TM9SF3: variants seen among roughly 807,000 people sequenced by gnomAD.
The protein encoded by TM9SF3 is transmembrane 9 superfamily member 3.
A neutral mutation model predicts 78.6 loss-of-function variants in TM9SF3; 14 were observed. The observed-to-expected ratio is 0.18, with a 90% CI of 0.12 to 0.28. TM9SF3 has a LOEUF of 0.28. TM9SF3 is among the 10% of genes least tolerant of loss of function. The probability of loss-of-function intolerance (pLI) is 1.00; values close to 1 mark genes in which losing one functional copy is unlikely to be tolerated. For missense variants in TM9SF3, 496 were observed against 721.9 expected (o/e 0.69, Z 3.59); for synonymous variants, 231 against 241.7 (o/e 0.96, Z 0.41).
At chr10:96,560,527 A>G (rs1317862415) in intron 4 of TM9SF3, 1 of 715,292 alleles carries the variant, frequency 1.4e-6, no homozygotes, top group Non-Finnish European at 2.6e-6. Flanking sequence ...AGTGGACAGC[A>G]TTTAGTAGCT....
chr10:96,560,666 A>AGAT lies in TM9SF3; in HGVS notation c.583-933_583-931dup, dbSNP rs762007864. ...AAAAAGTAAAACTTGCTGCTGATGA[A>AGAT]GATGATGATGATGATGATGACGATT... On this transcript the variant is annotated intron_variant, in intron 4 of 14. Transcript: ENST00000371142. The AGAT allele has an allele frequency of 2.7e-3, 1,646 of 610,840 alleles. 28 individuals are homozygous for AGAT. The highest frequency in any genetic ancestry group is 0.027 in the African/African-American group (1,460 of 54,786). 37.8% of individuals were successfully genotyped at this position (610,840 alleles called of 1,614,324 possible).
intron 2 of TM9SF3, among the ~76,000 whole-genome samples, chr10:96,566,282 T>C (rs1036903530): frequency 6.6e-6 from 1 of 152,258 alleles, no homozygotes; most frequent in African/African-American, 2.4e-5. Flanking sequence ...TACTATAATA[T>C]TGGTTATTTG....
intron 9 of TM9SF3, among the ~76,000 whole-genome samples, chr10:96,541,210 G>A (rs1271184896): frequency 8.4e-4 from 2 of 2,370 alleles, no homozygotes; most frequent in Non-Finnish European, 0.011. Context: ...TACAGCCCAC[G>A]AAAGAAAAGA....
At chr10:96,580,202 C>G (rs1191284040) in intron 1 of TM9SF3, among the ~76,000 whole-genome samples, 3 of 152,204 alleles carry the variant, frequency 2.0e-5, no homozygotes, top group Non-Finnish European at 4.4e-5. Context: ...GCTACACTTA[C>G]GTCATCCACG....
chr10:96,544,211 A>G lies in TM9SF3; in HGVS notation c.1055-5T>C. On this transcript the variant is annotated splice_region_variant and splice_polypyrimidine_tract_variant and intron_variant, in intron 8 of 14. Transcript: ENST00000371142. ...TCTGCTTTATCCATCTCCTTCCTGA[A>G]AAGAAAGGAAACTATGAAAGTTTAA... 1 of 1,564,948 alleles carries G rather than the reference A, an allele frequency of 6.4e-7. No homozygotes were observed. Among genetic ancestry groups the G allele is most frequent in the Admixed American group, 2.1e-5 (1 of 48,144 alleles).
intron 1 of TM9SF3, among the ~76,000 whole-genome samples, chr10:96,581,154 C>G (rs1454562394): frequency 6.6e-6 from 1 of 152,194 alleles, no homozygotes; most frequent in Non-Finnish European, 1.5e-5. Flanking sequence ...GACCTTTATT[C>G]TCAAGAAGTC....
In TM9SF3 at chr10:96,544,210, A is replaced by T; in HGVS notation, c.1055-4T>A. The T allele has an allele frequency of 1.3e-6, 2 of 1,564,184 alleles. No homozygotes were observed. The highest frequency in any genetic ancestry group is 1.7e-6 in the Non-Finnish European group (2 of 1,162,088). ...ATCTGCTTTATCCATCTCCTTCCTG[A>T]AAAGAAAGGAAACTATGAAAGTTTA... On this transcript the variant is annotated splice_region_variant and splice_polypyrimidine_tract_variant and intron_variant, in intron 8 of 14. Coordinates refer to ENST00000371142, the MANE Select transcript of TM9SF3 (RefSeq NM_020123.4).
intron 10 of TM9SF3, 81 bp from the exon 11 acceptor site, chr10:96,530,689 T>C (rs917661920): frequency 2.3e-6 from 3 of 1,285,554 alleles, no homozygotes; most frequent in Non-Finnish European, 3.2e-6. Flanking sequence ...AGCAGGTACT[T>C]GACACTTAAA....
At position 96,544,120 on chromosome 10, in the gene TM9SF3, C is replaced by T. The variant is rs11551241; in HGVS notation, c.1141G>A (p.Ala381Thr). 3.1e-6 allele frequency: 5 copies of T among 1,613,100 alleles called. No homozygotes were observed. ...CGTAFFINFI[A>T]IYYHASRAIP... Reference sequence around the variant, plus strand: ...GCTCTTGAAGCATGGTAATAAATGGCTATGAAATTGATGAAGAAGGCAGTG... The same window carrying T: ...GCTCTTGAAGCATGGTAATAAATGGTTATGAAATTGATGAAGAAGGCAGTG... Residue 381 changes from alanine (A) to threonine (T), a missense_variant, in exon 9 of 15, where the codon GCC (alanine) becomes ACC (threonine). Transcript: ENST00000371142.
chr10:96,553,346 A>G, intron 5 of TM9SF3, among the ~76,000 whole-genome samples: 1 of 152,210 alleles, frequency 6.6e-6, no homozygotes, highest in East Asian at 1.9e-4. Context: ...TGGCCATATA[A>G]CCTATGCTAT....
At chr10:96,525,785 C>A (rs1473060571) in intron 14 of TM9SF3, among the ~76,000 whole-genome samples, 1 of 152,004 alleles carries the variant, frequency 6.6e-6, no homozygotes. Context: ...TAAAACACAT[C>A]ATTCCTACAA....
intron 4 of TM9SF3, chr10:96,560,935 G>T: frequency 2.1e-6 from 1 of 484,524 alleles, no homozygotes. Flanking sequence ...AACAGTTCAG[G>T]GCACTACTGG....
In TM9SF3 at chr10:96,575,070, TA is replaced by T. The variant is rs879589541; in HGVS notation, c.298+1563del. Among the ~76,000 whole-genome samples, 715 of 143,232 alleles carry T rather than the reference TA, an allele frequency of 5.0e-3. 6 individuals carry two copies. Among genetic ancestry groups the T allele is most frequent in the African/African-American group, 0.015 (598 of 39,362 alleles). 94.0% of individuals were successfully genotyped at this position (143,232 alleles called of 152,430 possible). A position where few individuals can be genotyped will look rare whatever the true frequency, so the allele number is the denominator to read the frequency against. Reference sequence around the variant, plus strand: ...ACAAGTACCCCAGATCTTAAAGTATTAAAAAAAAAAAAGATTGCTGAATTAA... The same window carrying T: ...ACAAGTACCCCAGATCTTAAAGTATTAAAAAAAAAAAGATTGCTGAATTAA... On this transcript the variant is annotated intron_variant, in intron 2 of 14. Transcript: ENST00000371142.
Position 96,562,104 on chromosome 10 carries a change from ATCT to A in TM9SF3, c.453_455del (p.Glu151del). On this transcript the variant is annotated inframe_deletion, in exon 4 of 15. Transcript: ENST00000371142. ...GTTTTTTATAGGTCCAAAGATAGTA[ATCT>A]TCTCCATTTTCATCAGCCTCACCAA... The A allele has an allele frequency of 6.2e-7, 1 of 1,612,954 alleles. No homozygotes were observed. Among genetic ancestry groups the A allele is most frequent in the Non-Finnish European group, 8.5e-7 (1 of 1,179,552 alleles).
intron 5 of TM9SF3, among the ~76,000 whole-genome samples, chr10:96,555,548 T>C (rs1848225016): frequency 6.6e-6 from 1 of 152,196 alleles, no homozygotes; most frequent in Non-Finnish European, 1.5e-5. Flanking sequence ...AATATGTGCA[T>C]GAAACTGAAG....
intron 9 of TM9SF3, 93 bp from the exon 10 acceptor site, chr10:96,533,283 C>A (rs41291634): frequency 1.4e-6 from 2 of 1,434,708 alleles, no homozygotes; most frequent in Admixed American, 2.5e-5. Context: ...AATTTGACCA[C>A]AAAAGAAAAT....
intron 10 of TM9SF3, among the ~76,000 whole-genome samples, chr10:96,532,121 A>T (rs905388549): frequency 6.6e-6 from 1 of 151,996 alleles, no homozygotes; most frequent in African/African-American, 2.4e-5. Context: ...GAGGCGGAAG[A>T]ATGGCATGAA....
chr10:96,520,593 CA>C lies in TM9SF3; in HGVS notation c.*1669del. The C allele has an allele frequency of 3.6e-6, 1 of 275,254 alleles. No homozygotes were observed. Among genetic ancestry groups the C allele is most frequent in the South Asian group, 2.5e-4 (1 of 3,980 alleles). 17.1% of individuals were successfully genotyped at this position (275,254 alleles called of 1,614,324 possible). On this transcript the variant is annotated 3_prime_UTR_variant, in exon 15 of 15. Coordinates refer to ENST00000371142, the MANE Select transcript of TM9SF3 (RefSeq NM_020123.4). ...TTGTTTTAGGTGGTCATTTGCATAG[CA>C]AACTATTAAACTAGAAACTCAGTGG...
rs1378691463 is a variant in TM9SF3, at chr10:96,570,389, T to C, written c.299-4963A>G. ...TTTATATTTTCCTGTAGTTACTAAA[T>C]TGTGTATTTGAACTTCTATCACTGT... On this transcript the variant is annotated intron_variant, in intron 2 of 14. Transcript: ENST00000371142. 5.3e-5 allele frequency among the ~76,000 whole-genome samples: 8 copies of C among 152,214 alleles called. No homozygotes were observed. The East Asian group carries it at 1.5e-3, about 29-fold the overall frequency.
Sources: allele counts gnomAD v4.1 joint callset (sites outside exome capture counted in the v4.1 genomes callset), GRCh38; gene constraint gnomAD v4.1.1; transcripts MANE v1.5; gene names NCBI Gene and HGNC (gene_info 2026-07-23, HGNC 2026-07-21).